The following CEP112 variants were observed in gnomAD, a reference collection of about 807,000 sequenced individuals.
CEP112 encodes centrosomal protein 112.
In CEP112, 127 loss-of-function variants were observed where a neutral mutation model predicts 153.0. The ratio of observed to expected loss-of-function variants is 0.83; its 90% CI spans 0.72 to 0.96. CEP112 has a LOEUF of 0.96. Among genes scored for constraint, CEP112 ranks in the 40% least tolerant of loss-of-function variants. CEP112 has a pLI of 0.00. For missense variants in CEP112, 1,089 were observed against 1,101.2 expected (o/e 0.99, Z 0.16); for synonymous variants, 358 against 374.4 (o/e 0.96, Z 0.51).
At chr17:65,863,599 C>CA (rs35971829) in intron 20 of CEP112, among the ~76,000 whole-genome samples, 59,443 of 147,160 alleles carry the variant, frequency 0.4, 12,399 homozygotes, top group East Asian at 0.77. Context: ...ACTAAAAATA[C>CA]AAAAAAAAAA....
chr17:65,865,334 G>A (rs190197151), intron 20 of CEP112, among the ~76,000 whole-genome samples: 106 of 151,408 alleles, frequency 7.0e-4, no homozygotes, highest in Non-Finnish European at 1.3e-3. Flanking sequence ...GAGCCACTGC[G>A]CCCAGCCAAG....
intron 17 of CEP112, 30 bp from the exon 18 acceptor site, chr17:65,961,628 A>C: frequency 6.3e-7 from 1 of 1,575,374 alleles, no homozygotes; most frequent in African/African-American, 1.4e-5. Flanking sequence ...CTTCAGAGTT[A>C]AAATATAAAA....
At chr17:65,746,756 TA>T (rs1567954414) in intron 22 of CEP112, among the ~76,000 whole-genome samples, 1 of 152,086 alleles carries the variant, frequency 6.6e-6, no homozygotes, top group Non-Finnish European at 1.5e-5. Flanking sequence ...ATAATAATGT[TA>T]AAAGTTTCTA....
At chr17:65,905,971 A>T (rs1362406734) in intron 19 of CEP112, among the ~76,000 whole-genome samples, 2 of 151,900 alleles carry the variant, frequency 1.3e-5, no homozygotes, top group African/African-American at 2.4e-5. Flanking sequence ...ACACATGCAC[A>T]CTTATGTTTA....
rs1429676750 is a variant in CEP112, at chr17:65,985,853, T to TG, written c.1736+19836_1736+19837insC. ...AGCTGAGATCAAGGGCTTTTGTTTT[T>TG]TTTTTTTTTAAGAAATCAAGTTTCA... On this transcript the variant is annotated intron_variant, in intron 17 of 26. Coordinates refer to ENST00000535342, the MANE Select transcript of CEP112 (RefSeq NM_001199165.4). 6.6e-5 allele frequency among the ~76,000 whole-genome samples: 10 copies of TG among 151,494 alleles called. No individual in the cohort carries two copies. The South Asian group carries it at 1.5e-3, about 22-fold the overall frequency.
chr17:65,641,450 T>C (rs2045128636), intron 24 of CEP112, among the ~76,000 whole-genome samples: 1 of 152,174 alleles, frequency 6.6e-6, no homozygotes, highest in Non-Finnish European at 1.5e-5. Context: ...GGACAACTCA[T>C]AGCATGTCTC....
intron 19 of CEP112, among the ~76,000 whole-genome samples, chr17:65,912,067 C>T (rs544394935): frequency 1.3e-5 from 2 of 152,232 alleles, no homozygotes; most frequent in African/African-American, 2.4e-5. Context: ...CAACTCAGAT[C>T]GGGAAACTTG....
intron 4 of CEP112, among the ~76,000 whole-genome samples, chr17:66,163,816 T>C (rs1763685935): frequency 6.6e-6 from 1 of 152,258 alleles, no homozygotes; most frequent in African/African-American, 2.4e-5. Context: ...TAAGCTGTTA[T>C]CCATTTTTGT....
In CEP112 at chr17:66,027,556, T is replaced by C. The variant is rs2065267770; in HGVS notation, c.1601A>G (p.Gln534Arg). 3 of 1,288,522 alleles carry C rather than the reference T, an allele frequency of 2.3e-6. No homozygotes were observed. Among genetic ancestry groups the C allele is most frequent in the Admixed American group, 3.1e-5 (1 of 32,412 alleles). The allele number at this position is 1,288,522 out of a possible 1,614,324, so 79.8% of individuals were successfully genotyped here. Residue 534 changes from glutamine (Q) to arginine (R), a missense_variant, in exon 16 of 27, where the codon CAA becomes CGA. Transcript: ENST00000535342. The part of the protein sequence containing the change: ...ELQRKQQLRD[Q>R]ENKFQMEKSH... ...TTTCTCCATCTGAAACTTATTTTCT[T>C]GATCCTGTGAATGATAAATGTTTAT...
intron 23 of CEP112, among the ~76,000 whole-genome samples, chr17:65,718,687 A>G (rs1038461217): frequency 6.6e-6 from 1 of 152,204 alleles, no homozygotes; most frequent in African/African-American, 2.4e-5. Context: ...ATATGGCCTT[A>G]ACATGGATGA....
intron 17 of CEP112, among the ~76,000 whole-genome samples, chr17:65,974,227 C>A (rs927858569): frequency 4.7e-5 from 7 of 149,774 alleles, no homozygotes; most frequent in Admixed American, 1.3e-4. Context: ...CAGGCACACA[C>A]CACCACGCCA....
chr17:65,639,822 T>TTCTC (rs1368137780), intron 25 of CEP112, among the ~76,000 whole-genome samples: 1 of 148,722 alleles, frequency 6.7e-6, no homozygotes, highest in South Asian at 2.1e-4. Flanking sequence ...TTTCTTTTTT[T>TTCTC]TCTCTCTTTC....
chr17:66,183,649 T>TTA (rs2072809312), intron 1 of CEP112, among the ~76,000 whole-genome samples: 1 of 152,054 alleles, frequency 6.6e-6, no homozygotes, highest in Admixed American at 6.5e-5. Flanking sequence ...GTGGAAAAGA[T>TTA]TAGAGAGTCC....
At chr17:65,944,613 C>T (rs2061596391) in intron 18 of CEP112, among the ~76,000 whole-genome samples, 1 of 151,898 alleles carries the variant, frequency 6.6e-6, no homozygotes, top group Admixed American at 6.6e-5. Context: ...GAGAAAGGGT[C>T]TTGCTCTGTC....
At chr17:66,002,361 A>G (rs979324361) in intron 17 of CEP112, among the ~76,000 whole-genome samples, 1 of 152,204 alleles carries the variant, frequency 6.6e-6, no homozygotes, top group African/African-American at 2.4e-5. Context: ...CTATCCCTAC[A>G]TGGTCGCAAA....
At chr17:66,058,770 T>C (rs984474487) in intron 11 of CEP112, among the ~76,000 whole-genome samples, 13 of 152,176 alleles carry the variant, frequency 8.5e-5, no homozygotes, top group African/African-American at 3.1e-4. Flanking sequence ...GAGGATCACT[T>C]GAGCCCAGGA....
intron 24 of CEP112, among the ~76,000 whole-genome samples, chr17:65,681,295 C>G (rs1377911216): frequency 2.6e-5 from 4 of 152,066 alleles, no homozygotes; most frequent in Admixed American, 1.3e-4. Flanking sequence ...CTTTTCAATC[C>G]TCTTTGCATC....
chr17:66,112,888 G>C (rs2069122346), intron 6 of CEP112, among the ~76,000 whole-genome samples: 1 of 152,162 alleles, frequency 6.6e-6, no homozygotes, highest in Non-Finnish European at 1.5e-5. Flanking sequence ...GGAGGTTTCA[G>C]TGAGCCAAGA....
chr17:65,960,029 CTCAG>C (rs1393488993), intron 18 of CEP112, among the ~76,000 whole-genome samples: 2 of 152,280 alleles, frequency 1.3e-5, no homozygotes, highest in East Asian at 3.9e-4. Flanking sequence ...GGGCTCAATC[CTCAG>C]TCAGATTCAA....
Sources: allele counts gnomAD v4.1 joint callset (sites outside exome capture counted in the v4.1 genomes callset), GRCh38; gene constraint gnomAD v4.1.1; transcripts MANE v1.5; gene names NCBI Gene and HGNC (gene_info 2026-07-23, HGNC 2026-07-21).